KIAA0825: variants seen among roughly 807,000 people sequenced by gnomAD.
KIAA0825 encodes the protein KIAA0825.
A neutral mutation model predicts 147.6 loss-of-function variants in KIAA0825; 119 were observed. The ratio of observed to expected loss-of-function variants is 0.81; its 90% CI spans 0.69 to 0.94. KIAA0825 has a LOEUF of 0.94. KIAA0825 is among the 40% of genes least tolerant of loss of function. The pLI is 0.00. For missense variants in KIAA0825, 1,381 were observed against 1,472.7 expected (o/e 0.94, Z 1.02); for synonymous variants, 470 against 518.1 (o/e 0.91, Z 1.26).
chr5:94,209,791 A>G (rs1283071988), intron 20 of KIAA0825, among the ~76,000 whole-genome samples: 1 of 152,126 alleles, frequency 6.6e-6, no homozygotes, highest in Non-Finnish European at 1.5e-5. Context: ...TTGACAGCTC[A>G]ACCCTGTTGA....
chr5:94,497,273 T>G (rs944276864), intron 5 of KIAA0825, among the ~76,000 whole-genome samples: 1 of 152,154 alleles, frequency 6.6e-6, no homozygotes, highest in Non-Finnish European at 1.5e-5. Context: ...GTGAGATTCA[T>G]TTTGGAATAA....
At position 94,537,279 on chromosome 5, in the gene KIAA0825, G is replaced by A. The variant is rs542316576; in HGVS notation, c.-1-152C>T. On this transcript the variant is annotated intron_variant, in intron 2 of 20. Transcript: ENST00000682413. ...ATGAAATATAGCAGTTGGAGAACTA[G>A]GGTATTATAAAGCTAGGTAGAATGT... Among the ~76,000 whole-genome samples the A allele has an allele frequency of 2.4e-4, 37 of 152,300 alleles. 1 individual carries two copies. In the South Asian group the frequency reaches 4.3e-3, roughly 18 times the overall value.
chr5:94,350,916 C>T (rs1473633664), intron 20 of KIAA0825, among the ~76,000 whole-genome samples: 7 of 147,060 alleles, frequency 4.8e-5, no homozygotes, highest in East Asian at 4.0e-4. Context: ...GATGGAGTCT[C>T]GCTCTTGTTG....
chr5:94,173,596 T>A (rs1344837425), intron 20 of KIAA0825, among the ~76,000 whole-genome samples: 1 of 152,192 alleles, frequency 6.6e-6, no homozygotes, highest in African/African-American at 2.4e-5. Flanking sequence ...GCACTGCTTT[T>A]TATGGTCCAG....
chr5:94,616,101 A>G (rs1265970357), intron 1 of KIAA0825, among the ~76,000 whole-genome samples: 1 of 152,092 alleles, frequency 6.6e-6, no homozygotes, highest in Non-Finnish European at 1.5e-5. Context: ...GACGAACAAA[A>G]CAGACATAAT....
At chr5:94,616,931 G>C (rs550971922) in intron 1 of KIAA0825, among the ~76,000 whole-genome samples, 1 of 152,244 alleles carries the variant, frequency 6.6e-6, no homozygotes, top group East Asian at 1.9e-4. Context: ...ATAGAGCACA[G>C]TAAAAAGAGC....
Position 94,520,929 on chromosome 5 carries a change from A to T in KIAA0825, c.301-12T>A, listed in dbSNP as rs757195789. 1 of 1,537,968 alleles carries T rather than the reference A, an allele frequency of 6.5e-7. No homozygotes were observed. Among genetic ancestry groups the T allele is most frequent in the South Asian group, 1.2e-5 (1 of 85,984 alleles). The stretch of plus-strand genomic sequence containing the variant: ...TTCAACAAATCTTGCTAATGAAATT[A>T]TAACATTAGAAATGTGATTAAGTGC... On this transcript the variant is annotated splice_polypyrimidine_tract_variant and intron_variant, in intron 4 of 20. Transcript: ENST00000682413.
chr5:94,452,627 C>G (rs1375755548), intron 13 of KIAA0825, among the ~76,000 whole-genome samples: 2 of 152,184 alleles, frequency 1.3e-5, no homozygotes. Context: ...GAGTTAGTTA[C>G]ATGTCTATGT....
intron 14 of KIAA0825, among the ~76,000 whole-genome samples, chr5:94,427,619 C>T (rs2150767031): frequency 6.6e-6 from 1 of 152,284 alleles, no homozygotes; most frequent in East Asian, 1.9e-4. Flanking sequence ...TACTTTCCAC[C>T]TTGCCCTCAG....
At chr5:94,533,220 C>T (rs1229311864) in intron 3 of KIAA0825, among the ~76,000 whole-genome samples, 1 of 151,176 alleles carries the variant, frequency 6.6e-6, no homozygotes, top group Admixed American at 6.6e-5. Flanking sequence ...CCTCGTGATC[C>T]GCCCGCCTCG....
Position 94,334,456 on chromosome 5 carries a change from G to T in KIAA0825, c.3710+49912C>A, listed in dbSNP as rs1486732526. On this transcript the variant is annotated intron_variant, in intron 20 of 20. Transcript: ENST00000682413. ...CCCAGAAGAAAAAAGGTAGAATAAA[G>T]ATTTCACAACCGACTTTTAATTTTT... is the stretch of plus-strand genomic sequence containing the variant. Among the ~76,000 whole-genome samples, 4 of 152,238 alleles carry T rather than the reference G, an allele frequency of 2.6e-5. No individual in the cohort carries two copies. The East Asian group carries it at 5.8e-4, about 22-fold the overall frequency.
intron 20 of KIAA0825, among the ~76,000 whole-genome samples, chr5:94,378,165 G>A (rs971314626): frequency 6.6e-6 from 1 of 152,130 alleles, no homozygotes; most frequent in African/African-American, 2.4e-5. Flanking sequence ...TAGATAAATT[G>A]CGTGTCACAG....
chr5:94,550,124 T>C (rs532715806), intron 2 of KIAA0825, among the ~76,000 whole-genome samples: 3 of 152,282 alleles, frequency 2.0e-5, no homozygotes, highest in African/African-American at 7.2e-5. Flanking sequence ...GAGGTCATTA[T>C]GTTAAATGAA....
intron 20 of KIAA0825, among the ~76,000 whole-genome samples, chr5:94,253,577 C>G (rs1360761800): frequency 6.6e-6 from 1 of 152,096 alleles, no homozygotes; most frequent in African/African-American, 2.4e-5. Context: ...ATAGGCCATT[C>G]ATTCTACTTG....
At chr5:94,384,988 A>G (rs1748948110) in intron 19 of KIAA0825, among the ~76,000 whole-genome samples, 1 of 152,214 alleles carries the variant, frequency 6.6e-6, no homozygotes, top group South Asian at 2.1e-4. Flanking sequence ...TGTAAATTAT[A>G]TAAGTGATTC....
intron 20 of KIAA0825, among the ~76,000 whole-genome samples, chr5:94,252,970 A>G (rs1316504945): frequency 6.6e-6 from 1 of 152,090 alleles, no homozygotes; most frequent in Non-Finnish European, 1.5e-5. Flanking sequence ...GGGAAATCAC[A>G]CTTATTAAAA....
At chr5:94,164,009 G>T (rs1767804642) in intron 20 of KIAA0825, among the ~76,000 whole-genome samples, 1 of 152,120 alleles carries the variant, frequency 6.6e-6, no homozygotes, top group African/African-American at 2.4e-5. Context: ...ATCAACCTTA[G>T]TTTGTATTCT....
At chr5:94,542,806 C>CA (rs1210478176) in intron 2 of KIAA0825, among the ~76,000 whole-genome samples, 8 of 148,934 alleles carry the variant, frequency 5.4e-5, no homozygotes, top group African/African-American at 1.2e-4. Context: ...GATTCCCTCT[C>CA]AAAAAAAAGA....
intron 20 of KIAA0825, among the ~76,000 whole-genome samples, chr5:94,357,884 T>G (rs896515833): frequency 1.3e-5 from 2 of 151,654 alleles, no homozygotes; most frequent in Non-Finnish European, 2.9e-5. Context: ...TGTAGTTTTG[T>G]CATAACCTGC....
Sources: gnomAD v4.1 joint callset for allele counts (sites outside exome capture counted in the v4.1 genomes callset) on GRCh38, gnomAD v4.1.1 for gene constraint, MANE v1.5 for transcripts, NCBI Gene and HGNC (gene_info 2026-07-23, HGNC 2026-07-21) for gene names.